Variants in ERICH3 observed in about 807,000 individuals in gnomAD.
The protein encoded by ERICH3 is glutamate-rich protein 3.
Under a neutral mutation model 131.1 loss-of-function variants are expected in ERICH3, and 126 were observed. The ratio of observed to expected loss-of-function variants is 0.96; its 90% confidence interval spans 0.83 to 1.11. ERICH3 has a LOEUF of 1.11. ERICH3 is among the 50% of genes most tolerant of loss of function. The pLI, the probability that ERICH3 is intolerant of heterozygous loss-of-function variation, is 0.00. For synonymous variants in ERICH3, 695 were observed against 644.6 expected (o/e 1.08, Z -1.18); for missense variants, 2,050 against 1,810.7 (o/e 1.13, Z -2.40).
intron 1 of ERICH3, among the ~76,000 whole-genome samples, chr1:74,671,027 T>C (rs699859): frequency 6.6e-6 from 1 of 151,462 alleles, no homozygotes; most frequent in Admixed American, 6.6e-5. Flanking sequence ...TGGGGGAAAA[T>C]CTCCGCCCTG....
chr1:74,589,896 C>T lies in ERICH3; in HGVS notation c.1911G>A (p.Glu637=), dbSNP rs192190719. The change falls in exon 12 of 15, where the codon GAG becomes GAA. Residue 637 remains glutamate, a synonymous_variant. Transcript: ENST00000326665. Reference sequence around the variant, plus strand: ...CTTCAATTTCAATTTCTAAGGATTCCTCAATTGGAAGGTGAGACTTTCTTG... The same window carrying T: ...CTTCAATTTCAATTTCTAAGGATTCTTCAATTGGAAGGTGAGACTTTCTTG... ...DKPRKSHLPI[E]ESLEIEIEDQ... 111 of 1,613,914 alleles carry T rather than the reference C, an allele frequency of 6.9e-5. No individual in the cohort carries two copies. The highest frequency in any genetic ancestry group is 9.3e-5 in the African/African-American group (7 of 74,968).
chr1:74,673,153 T>C (rs1435937654), intron 1 of ERICH3, among the ~76,000 whole-genome samples: 1 of 152,216 alleles, frequency 6.6e-6, no homozygotes, highest in East Asian at 1.9e-4. Flanking sequence ...CCTCTTCTTT[T>C]GCATCTAAAC....
rs771221859 is a variant in ERICH3 at position 74,606,643 on chromosome 1, G to C, written c.1447C>G (p.Gln483Glu). 8.1e-6 allele frequency: 13 copies of C among 1,611,856 alleles called. No homozygotes were observed. The highest frequency in any genetic ancestry group is 1.7e-5 in the Admixed American group (1 of 59,690). ...EEMTSKGKPG[Q>E]EVLEDDQENT... ...TCCTGGTCGTCTTCCAAGACTTCTT[G>C]TCCTGGTTTTCCTTTACTTGTCATT... The change falls in exon 10 of 15, where the codon CAA (glutamine) becomes GAA (glutamate). Residue 483 changes from glutamine to glutamate, a missense_variant. By Grantham distance (29) the Gln-to-Glu change is conservative. Transcript: ENST00000326665.
Position 74,571,706 on chromosome 1 carries a change from C to T in ERICH3, c.4004G>A (p.Gly1335Glu), listed in dbSNP as rs1369654535. The T allele has an allele frequency of 2.5e-6, 4 of 1,613,988 alleles. No individual in the cohort carries two copies. In the African/African-American group the frequency reaches 4.0e-5, roughly 16 times the overall value. Residue 1335 changes from glycine to glutamate, a missense_variant, in exon 14 of 15, where the codon GGA becomes GAA. Coordinates refer to ENST00000326665, the MANE Select transcript of ERICH3 (RefSeq NM_001002912.5). Reference sequence around the variant, plus strand: ...TAGAACTTCCACAGCCACAACCCTTCCTCCTCCCATGCCCTCATTCTTTTG... The same window carrying T: ...TAGAACTTCCACAGCCACAACCCTTTCTCCTCCCATGCCCTCATTCTTTTG... ...NTQKNEGMGG[G>E]RVVAVEVLHG...
intron 12 of ERICH3, chr1:74,579,913 CT>C (rs35520626): frequency 0.011 from 7,978 of 752,626 alleles, no homozygotes; most frequent in Middle Eastern, 0.014. Flanking sequence ...AGAAAGTCAG[CT>C]TTTTTTTTTT....
chr1:74,627,617 A>G (rs539913306), intron 7 of ERICH3, among the ~76,000 whole-genome samples: 2 of 152,278 alleles, frequency 1.3e-5, no homozygotes, highest in South Asian at 4.1e-4. Flanking sequence ...AGACACCAAA[A>G]GACTAAAAGT....
Position 74,606,819 on chromosome 1 carries a change from A to G in ERICH3, c.1271T>C (p.Leu424Pro), listed in dbSNP as rs1648418460. ...CCTCACTTTCCCCTCAGCCTTCTTCAGTTCCTCTCCTTTCTCAGTGCTCTT... is the reference window on the plus strand; with the variant it reads ...CCTCACTTTCCCCTCAGCCTTCTTCGGTTCCTCTCCTTTCTCAGTGCTCTT... ...KEKSTEKGEELKKAEGKVRKE... is the reference protein window; with the variant it reads ...KEKSTEKGEEPKKAEGKVRKE... The change falls in exon 10 of 15, where the codon CTG becomes CCG. Residue 424 changes from leucine to proline, a missense_variant. Leu to Pro is a moderately conservative substitution (Grantham distance 98). Transcript: ENST00000326665. 4 of 1,613,076 alleles carry G rather than the reference A, an allele frequency of 2.5e-6. No homozygotes were observed. The Admixed American group carries it at 6.7e-5, about 27-fold the overall frequency.
chr1:74,667,095 A>T (rs1053218583), intron 1 of ERICH3, among the ~76,000 whole-genome samples: 13 of 151,876 alleles, frequency 8.6e-5, no homozygotes, highest in East Asian at 3.9e-4. Context: ...TTTACCTTAA[A>T]TTTTTTTTAA....
intron 3 of ERICH3, among the ~76,000 whole-genome samples, chr1:74,646,012 A>G (rs1646479501): frequency 6.6e-6 from 1 of 152,068 alleles, no homozygotes; most frequent in Non-Finnish European, 1.5e-5. Flanking sequence ...GATGCTTGAA[A>G]CTACAAGTTC....
At chr1:74,585,917 C>T (rs1024527568) in intron 12 of ERICH3, among the ~76,000 whole-genome samples, 1 of 151,762 alleles carries the variant, frequency 6.6e-6, no homozygotes, top group East Asian at 1.9e-4. Flanking sequence ...AACATTAGCC[C>T]CCCAACTGTT....
chr1:74,643,195 T>G lies in ERICH3; in HGVS notation c.244-97A>C, dbSNP rs578050618. On this transcript the variant is annotated intron_variant, in intron 3 of 14. Transcript: ENST00000326665. Reference sequence around the variant, plus strand: ...TTCCAACAGATAACTATATTCTCAATTAGTCCTCTTGTCATTGAGATGGAG... The same window carrying G: ...TTCCAACAGATAACTATATTCTCAAGTAGTCCTCTTGTCATTGAGATGGAG... The G allele has an allele frequency of 3.8e-6, 3 of 797,262 alleles. No individual in the cohort carries two copies. The East Asian group carries it at 7.9e-5, about 21-fold the overall frequency. The allele number at this position is 797,262 out of a possible 1,614,324, so 49.4% of individuals were successfully genotyped here. A position where few individuals can be genotyped will look rare whatever the true frequency, so the allele number is the denominator to read the frequency against.
chr1:74,663,779 A>G (rs548720328), intron 1 of ERICH3, among the ~76,000 whole-genome samples: 1 of 152,212 alleles, frequency 6.6e-6, no homozygotes, highest in East Asian at 1.9e-4. Flanking sequence ...ATATTACTAA[A>G]AAATATAATC....
chr1:74,571,476 C>T lies in ERICH3; in HGVS notation c.4234G>A (p.Gly1412Arg), dbSNP rs1420504368. The T allele has an allele frequency of 1.2e-6, 2 of 1,613,994 alleles. No individual in the cohort carries two copies. Among genetic ancestry groups the T allele is most frequent in the African/African-American group, 2.7e-5 (2 of 74,916 alleles). The change falls in exon 14 of 15, where the codon GGG (glycine) becomes AGG (arginine). Residue 1412 changes from glycine (G) to arginine (R), a missense_variant. By Grantham distance (125) the Gly-to-Arg change is moderately radical. Coordinates refer to ENST00000326665, the MANE Select transcript of ERICH3 (RefSeq NM_001002912.5). ...TCCTCTGCTGCTGGCACTTCCTCCC[C>T]ACTCCGTGCTAATTCCTCTACCACC... ...KVVVEELARS[G>R]EEVPAAEEMT...
chr1:74,632,890 A>G (rs1334397637), intron 6 of ERICH3, among the ~76,000 whole-genome samples: 2 of 151,910 alleles, frequency 1.3e-5, no homozygotes, highest in Non-Finnish European at 2.9e-5. Context: ...TCATTAAAAA[A>G]CACCAAAGGT....
intron 5 of ERICH3, 26 bp downstream of exon 5, chr1:74,641,305 A>G: frequency 6.2e-7 from 1 of 1,607,672 alleles, no homozygotes; most frequent in Non-Finnish European, 8.5e-7. Flanking sequence ...GGGATACTGC[A>G]TGACGAAGTG....
At chr1:74,633,348 CT>C (rs937990354) in intron 6 of ERICH3, among the ~76,000 whole-genome samples, 1 of 151,556 alleles carries the variant, frequency 6.6e-6, no homozygotes, top group Non-Finnish European at 1.5e-5. Context: ...TTTTTCTTTT[CT>C]TATATTTTCC....
intron 8 of ERICH3, among the ~76,000 whole-genome samples, chr1:74,618,309 T>G (rs967702928): frequency 1.3e-5 from 2 of 152,060 alleles, no homozygotes; most frequent in African/African-American, 4.8e-5. Flanking sequence ...AAAAGATGGG[T>G]AAGATTTGAA....
intron 11 of ERICH3, among the ~76,000 whole-genome samples, chr1:74,593,152 G>A (rs1326869059): frequency 2.0e-5 from 3 of 152,092 alleles, no homozygotes; most frequent in African/African-American, 7.2e-5. Context: ...GGTCTTGGCC[G>A]AAGCCAGCAA....
intron 1 of ERICH3, among the ~76,000 whole-genome samples, chr1:74,671,967 T>C (rs1292912442): frequency 6.6e-6 from 1 of 152,228 alleles, no homozygotes; most frequent in Non-Finnish European, 1.5e-5. Flanking sequence ...AAGAGTACCA[T>C]GAAACATACT....
Sources: gnomAD v4.1 joint callset for allele counts (sites outside exome capture counted in the v4.1 genomes callset) on GRCh38, gnomAD v4.1.1 for gene constraint, MANE v1.5 for transcripts, NCBI Gene and HGNC (gene_info 2026-07-23, HGNC 2026-07-21) for gene names.